TRIM36: variants seen among roughly 807,000 people sequenced by gnomAD.
TRIM36 encodes E3 ubiquitin-protein ligase TRIM36.
A neutral mutation model predicts 72.4 loss-of-function variants in TRIM36; 42 were observed. That is an observed-to-expected ratio of 0.58 (90% CI 0.45 to 0.75). TRIM36 has a LOEUF of 0.75. Ranked by LOEUF, TRIM36 falls within the 30% of genes least tolerant of loss-of-function variation. The pLI is 0.00. For synonymous variants in TRIM36, 315 were observed against 282.8 expected (o/e 1.11, Z -1.14); for missense variants, 913 against 857.1 (o/e 1.07, Z -0.81).
At chr5:115,139,736 G>A (rs991048687) in intron 5 of TRIM36, among the ~76,000 whole-genome samples, 22 of 152,088 alleles carry the variant, frequency 1.4e-4, no homozygotes, top group African/African-American at 3.9e-4. Flanking sequence ...GTTATCTAGC[G>A]TAAAAAAAAT....
chr5:115,136,627 A>G (rs966253479), intron 7 of TRIM36, among the ~76,000 whole-genome samples: 2 of 151,112 alleles, frequency 1.3e-5, no homozygotes, highest in African/African-American at 4.9e-5. Context: ...AAAAAAATGG[A>G]AAAAAAAAGT....
Position 115,130,644 on chromosome 5 carries a change from T to C in TRIM36, c.1744A>G (p.Ser582Gly), listed in dbSNP as rs769793465. ...SYLVKVGVAS[S>G]DKLQEWLRSP... ...CGGAGCCATTCTTGTAGTTTATCGC[T>C]AGAAGCAACTCCCACTTTTACCAGG... Residue 582 changes from serine to glycine, a missense_variant, in exon 9 of 10, where the codon AGC (serine) becomes GGC (glycine). By Grantham distance (56) the Ser-to-Gly change is moderately conservative. Transcript: ENST00000513154. The C allele has an allele frequency of 1.4e-5, 23 of 1,614,200 alleles. 1 individual carries two copies. The highest frequency in any genetic ancestry group is 8.3e-5 in the Admixed American group (5 of 60,032).
At chr5:115,169,417 A>AG in intron 1 of TRIM36, among the ~76,000 whole-genome samples, 191 bp downstream of exon 1, 1 of 152,198 alleles carries the variant, frequency 6.6e-6, no homozygotes, top group East Asian at 1.9e-4. Flanking sequence ...TCTCGGGGAT[A>AG]GAAAGGGGAC....
intron 1 of TRIM36, chr5:115,168,873 G>C (rs1561448700): frequency 6.6e-6 from 1 of 152,202 alleles, no homozygotes; most frequent in Non-Finnish European, 1.5e-5. Flanking sequence ...ACTTGTCACT[G>C]GGGGAGGATC....
Position 115,137,523 on chromosome 5 carries a change from T to C in TRIM36, c.925A>G (p.Ile309Val), listed in dbSNP as rs371821661. 40 of 1,614,000 alleles carry C rather than the reference T, an allele frequency of 2.5e-5. No homozygotes were observed. The highest frequency in any genetic ancestry group is 3.3e-5 in the Admixed American group (2 of 60,002). Reference sequence around the variant, plus strand: ...AATCTTAGTTTCTTAGAGGAGTCAATTGCTTTCAAAACAGATGATTTCCTC... The same window carrying C: ...AATCTTAGTTTCTTAGAGGAGTCAACTGCTTTCAAAACAGATGATTTCCTC... ...EERKSSVLKA[I>V]DSSKKLRLDK... Residue 309 changes from isoleucine to valine, a missense_variant, in exon 6 of 10, where the codon ATT becomes GTT. Coordinates refer to ENST00000513154, the MANE Select transcript of TRIM36 (RefSeq NM_001300759.2).
intron 2 of TRIM36, among the ~76,000 whole-genome samples, chr5:115,153,481 A>G (rs1754003728): frequency 6.6e-6 from 1 of 152,300 alleles, no homozygotes; most frequent in East Asian, 1.9e-4. Context: ...ACAGGTCATC[A>G]AGAGAGAAAG....
chr5:115,163,780 G>C (rs565192718), intron 1 of TRIM36, 28 bp from the exon 2 acceptor site: 2 of 1,553,434 alleles, frequency 1.3e-6, no homozygotes, highest in African/African-American at 2.7e-5. Context: ...CCAAGTTAAA[G>C]GCTCTTAGTG....
At chr5:115,176,133 A>T (rs980710640) in intron 1 of TRIM36, among the ~76,000 whole-genome samples, 2 of 152,156 alleles carry the variant, frequency 1.3e-5, no homozygotes, top group African/African-American at 4.8e-5. Flanking sequence ...CTCAAAAAAA[A>T]ATAAAAATAA....
intron 7 of TRIM36, among the ~76,000 whole-genome samples, chr5:115,136,617 A>G (rs1752978709): frequency 2.6e-5 from 4 of 152,254 alleles, no homozygotes; most frequent in African/African-American, 9.6e-5. Context: ...ATAAAAGAGG[A>G]AAAAAATGGA....
intron 7 of TRIM36, among the ~76,000 whole-genome samples, chr5:115,136,579 G>A (rs1327186850): frequency 6.6e-6 from 1 of 151,862 alleles, no homozygotes; most frequent in Non-Finnish European, 1.5e-5. Flanking sequence ...AAAAAACTCT[G>A]ACAAGGATGT....
chr5:115,137,325 G>A, intron 6 of TRIM36, 38 bp downstream of exon 6: 2 of 1,573,800 alleles, frequency 1.3e-6, no homozygotes, highest in Non-Finnish European at 1.7e-6. Flanking sequence ...TAATAACATT[G>A]CTCAATAGGT....
intron 8 of TRIM36, 124 bp downstream of exon 8, chr5:115,133,736 T>C: frequency 3.1e-6 from 3 of 954,726 alleles, no homozygotes; most frequent in Non-Finnish European, 4.3e-6. Context: ...GCTACTTTTC[T>C]GGAGTCTTTT....
At chr5:115,154,936 T>C (rs1163909643) in intron 2 of TRIM36, among the ~76,000 whole-genome samples, 2 of 151,958 alleles carry the variant, frequency 1.3e-5, no homozygotes, top group Non-Finnish European at 2.9e-5. Context: ...TCCCAGCACT[T>C]TGGAAGGCTG....
intron 1 of TRIM36, among the ~76,000 whole-genome samples, chr5:115,178,235 C>G (rs1428116083): frequency 2.0e-5 from 3 of 152,178 alleles, no homozygotes; most frequent in Non-Finnish European, 1.5e-5. Context: ...AATATCTGAG[C>G]GCCATAGGAC....
Position 115,126,483 on chromosome 5 carries a change from A to G in TRIM36, c.*20T>C, listed in dbSNP as rs1187538208. On this transcript the variant is annotated 3_prime_UTR_variant, in exon 10 of 10. Coordinates refer to ENST00000513154, the MANE Select transcript of TRIM36 (RefSeq NM_001300759.2). ...TGCTTTGTTTACAGTTTTTATCCTG[A>G]GTCACATCAGATGTTTCAACTACAT... is the stretch of plus-strand genomic sequence containing the variant. 6.3e-6 allele frequency: 10 copies of G among 1,584,300 alleles called. No individual in the cohort carries two copies. In the Admixed American group the frequency reaches 1.5e-4, roughly 24 times the overall value.
chr5:115,137,659 G>A, intron 5 of TRIM36, 43 bp from the exon 6 acceptor site: 1 of 1,510,402 alleles, frequency 6.6e-7, no homozygotes, highest in Non-Finnish European at 8.8e-7. Context: ...ATAAAACAAA[G>A]AATAGCCTCT....
intron 2 of TRIM36, among the ~76,000 whole-genome samples, chr5:115,155,652 A>G (rs1013011759): frequency 6.6e-6 from 1 of 152,214 alleles, no homozygotes; most frequent in South Asian, 2.1e-4. Flanking sequence ...ATCAGCATAC[A>G]AGGAACATAC....
chr5:115,125,471 A>C lies in TRIM36; in HGVS notation c.*1032T>G. The C allele has an allele frequency of 6.6e-6, 1 of 152,118 alleles. No homozygotes were observed. Among genetic ancestry groups the C allele is most frequent in the East Asian group, 1.9e-4 (1 of 5,196 alleles). The allele number at this position is 152,118 out of a possible 1,614,324, so 9.4% of individuals were successfully genotyped here. A position where few individuals can be genotyped will look rare whatever the true frequency, so the allele number is the denominator to read the frequency against. The stretch of plus-strand genomic sequence containing the variant: ...TTACCAATGAGAAACAGAAAATGCC[A>C]CATAAGTGAACATTTAAATGTTACA... On this transcript the variant is annotated 3_prime_UTR_variant, in exon 10 of 10. Coordinates refer to ENST00000513154, the MANE Select transcript of TRIM36 (RefSeq NM_001300759.2).
chr5:115,155,374 C>T lies in TRIM36; in HGVS notation c.263-7980G>A, dbSNP rs188671244. Among the ~76,000 whole-genome samples the T allele has an allele frequency of 9.2e-5, 14 of 152,076 alleles. No individual in the cohort carries two copies. In the South Asian group the frequency reaches 1.9e-3, roughly 20 times the overall value. Reference sequence around the variant, plus strand: ...CAAAAATAAAAATAAAAATAAACTACGGACCAATATCCCTGATGAACACAG... The same window carrying T: ...CAAAAATAAAAATAAAAATAAACTATGGACCAATATCCCTGATGAACACAG... On this transcript the variant is annotated intron_variant, in intron 2 of 9. Coordinates refer to ENST00000513154, the MANE Select transcript of TRIM36 (RefSeq NM_001300759.2).
Sources: gnomAD v4.1 joint callset for allele counts (sites outside exome capture counted in the v4.1 genomes callset) on GRCh38, gnomAD v4.1.1 for gene constraint, MANE v1.5 for transcripts, NCBI Gene and HGNC (gene_info 2026-07-23, HGNC 2026-07-21) for gene names.